Variants in ZDHHC24 observed in about 807,000 individuals in gnomAD.
The protein encoded by ZDHHC24 is probable palmitoyltransferase ZDHHC24.
ZDHHC24 carries 17 observed loss-of-function variants against 23.2 expected under a neutral mutation model. The observed-to-expected ratio is 0.73, with a 90% CI of 0.50 to 1.10. The LOEUF is 1.10. Ranked by LOEUF, ZDHHC24 falls within the 50% of genes least tolerant of loss-of-function variation. The probability of loss-of-function intolerance (pLI) is 0.00; values close to 1 mark genes in which losing one functional copy is unlikely to be tolerated. For synonymous variants in ZDHHC24, 186 were observed against 194.5 expected (o/e 0.96, Z 0.36); for missense variants, 366 against 393.0 (o/e 0.93, Z 0.58).
chr11:66,524,165 A>T, intron 4 of ZDHHC24: 1 of 426,764 alleles, frequency 2.3e-6, no homozygotes, highest in South Asian at 2.0e-5. Context: ...CTGTAATCCC[A>T]GCTACTCAGG....
chr11:66,521,759 G>T (rs1856230367), intron 4 of ZDHHC24: 1 of 309,290 alleles, frequency 3.2e-6, no homozygotes, highest in Admixed American at 4.4e-5. Context: ...TACAAAATTA[G>T]CTGGGCATGG....
At chr11:66,534,029 CGTG>C (rs1856881890), downstream of ZDHHC24, among the ~76,000 whole-genome samples, 1 of 151,782 alleles carries the variant, frequency 6.6e-6, no homozygotes, top group South Asian at 2.1e-4. Flanking sequence ...ATTAGCCAGG[CGTG>C]GTGGCAGACA....
Position 66,529,203 on chromosome 11 carries a change from G to A in ZDHHC24, c.736+109C>T. ...AGGGACAGTGGGGTGGGGGCGGGGT[G>A]GGCCCTGGAGGTGGCTTGGGGAAGA... On this transcript the variant is annotated intron_variant, in intron 3 of 4. Coordinates refer to the ZDHHC24 transcript ENST00000526986. 3 of 1,473,250 alleles carry A rather than the reference G, an allele frequency of 2.0e-6. No individual in the cohort carries two copies. In the African/African-American group the frequency reaches 4.2e-5, roughly 20 times the overall value. The allele number at this position is 1,473,250 out of a possible 1,614,324, so 91.3% of individuals were successfully genotyped here. A position where few individuals can be genotyped will look rare whatever the true frequency, so the allele number is the denominator to read the frequency against.
intron 2 of ZDHHC24, among the ~76,000 whole-genome samples, chr11:66,541,954 T>C (rs1857165189): frequency 1.3e-5 from 2 of 151,514 alleles, no homozygotes; most frequent in Admixed American, 1.3e-4. Context: ...GGAGGGTTTG[T>C]CCAAGGTGGC....
downstream of ZDHHC24, chr11:66,532,529 C>T (rs1389748900): frequency 6.1e-6 from 1 of 162,848 alleles, no homozygotes; most frequent in Non-Finnish European, 1.4e-5. Context: ...GGCTGCAGCC[C>T]ACTCAGCTTG....
chr11:66,526,673 T>C lies in ZDHHC24; in HGVS notation c.*21+263A>G, dbSNP rs767150997. ...GGTGGTGGCCTGATCATCAAGATCCTGAAGCGTACAGCAGTGTTTGTAGAG... is the reference window on the plus strand; with the variant it reads ...GGTGGTGGCCTGATCATCAAGATCCCGAAGCGTACAGCAGTGTTTGTAGAG... On this transcript the variant is annotated intron_variant, in intron 4 of 4. Transcript: ENST00000526986. 3 of 1,614,216 alleles carry C rather than the reference T, an allele frequency of 1.9e-6. No homozygotes were observed. The highest frequency in any genetic ancestry group is 3.3e-5 in the Admixed American group (2 of 60,018).
rs1484317140 is a variant in ZDHHC24, at chr11:66,545,743, G to A, written c.261C>T (p.Arg87=). 1.9e-6 allele frequency: 3 copies of A among 1,582,602 alleles called. No homozygotes were observed. The highest frequency in any genetic ancestry group is 2.3e-5 in the East Asian group (1 of 43,164). The change falls in exon 1 of 3, where the codon CGC becomes CGT. Residue 87 remains arginine, a synonymous_variant. Coordinates refer to ENST00000310442, the MANE Select transcript of ZDHHC24 (RefSeq NM_207340.3). The surrounding 1 kb of genome is among the most constrained non-coding windows in gnomAD (Gnocchi z 4.5). ...CTCACGCCCAGCCCTGGCCCAGACCGCGGCCGGCCAGCATCACGCCACGGA... is the reference window on the plus strand; with the variant it reads ...CTCACGCCCAGCCCTGGCCCAGACCACGGCCGGCCAGCATCACGCCACGGA... ...PSIRGVMLAG[R]GLGQGWAYCY...
In ZDHHC24 at chr11:66,526,822, G is replaced by A; in HGVS notation, c.*21+114C>T. The A allele has an allele frequency of 6.2e-7, 1 of 1,614,214 alleles. No homozygotes were observed. The highest frequency in any genetic ancestry group is 8.5e-7 in the Non-Finnish European group (1 of 1,180,034). ...GGCTGGCACCGGTGAGCCTCAGACTGGGTCCTTTCCCTTCTTCCTCCTCCA... is the reference window on the plus strand; with the variant it reads ...GGCTGGCACCGGTGAGCCTCAGACTAGGTCCTTTCCCTTCTTCCTCCTCCA... On this transcript the variant is annotated intron_variant, in intron 4 of 4. Transcript: ENST00000526986.
intron 2 of ZDHHC24, chr11:66,529,902 C>T: frequency 6.2e-7 from 1 of 1,607,518 alleles, no homozygotes; most frequent in Non-Finnish European, 8.5e-7. Flanking sequence ...CGAGTCCAGC[C>T]TGAGCCCCCT....
intron 2 of ZDHHC24, among the ~76,000 whole-genome samples, 160 bp downstream of exon 2, chr11:66,543,544 T>C (rs546555936): frequency 1.3e-5 from 2 of 152,308 alleles, no homozygotes; most frequent in African/African-American, 2.4e-5. Context: ...GTTTCCATAC[T>C]GCACCCCCGG....
chr11:66,526,538 C>T (rs1205790034), intron 4 of ZDHHC24: 11 of 1,356,214 alleles, frequency 8.1e-6, no homozygotes, highest in African/African-American at 4.3e-5. Context: ...GTCTGGAAGA[C>T]GGATGTGTAC....
downstream of ZDHHC24, chr11:66,531,956 G>T (rs766975911): frequency 8.2e-6 from 13 of 1,592,980 alleles, no homozygotes; most frequent in Non-Finnish European, 1.0e-5. Flanking sequence ...CATAGGTGCT[G>T]GTGCTTCGAG....
rs768043687 is a variant in ZDHHC24 at position 66,543,883 on chromosome 11, A to C, written c.380T>G (p.Leu127Arg). Residue 127 changes from leucine (L) to arginine (R), a missense_variant, in exon 2 of 3, where the codon CTG becomes CGG. Coordinates refer to ENST00000310442, the MANE Select transcript of ZDHHC24 (RefSeq NM_207340.3). ...GTTGCCGAAGCCCACGCAGCGGCCC[A>C]GCAGGCGGCAGTGGTGGTCCCGACG... ...ILRRDHHCRL[L>R]GRCVGFGNYR... 18 of 1,613,866 alleles carry C rather than the reference A, an allele frequency of 1.1e-5. No homozygotes were observed. Among genetic ancestry groups the C allele is most frequent in the Non-Finnish European group, 1.4e-5 (16 of 1,179,926 alleles).
chr11:66,526,774 G>A, intron 4 of ZDHHC24: 1 of 1,614,236 alleles, frequency 6.2e-7, no homozygotes, highest in Non-Finnish European at 8.5e-7. Flanking sequence ...GCTTTACGTG[G>A]ATCAGACACT....
chr11:66,544,042 A>G, intron 1 of ZDHHC24, 61 bp from the exon 2 acceptor site: 1 of 1,580,176 alleles, frequency 6.3e-7, no homozygotes, highest in Non-Finnish European at 8.6e-7. Flanking sequence ...TATTGTGCAC[A>G]GGGCTGCCCC....
rs1157959588 is a variant in ZDHHC24, at chr11:66,543,805, A to G, written c.458T>C (p.Val153Ala). ...CAGTGCAGGGCCCAGCAGCACAGAG[A>G]CGTGGAGCAGGACGCCGGCGGCATG... The part of the protein sequence containing the change: ...LLHAAGVLLH[V>A]SVLLGPALSA... Residue 153 changes from valine (V) to alanine (A), a missense_variant, in exon 2 of 3, where the codon GTC becomes GCC. Transcript: ENST00000310442. 1 of 1,613,360 alleles carries G rather than the reference A, an allele frequency of 6.2e-7. No homozygotes were observed. Among genetic ancestry groups the G allele is most frequent in the South Asian group, 1.1e-5 (1 of 91,038 alleles).
chr11:66,539,951 G>T, intron 2 of ZDHHC24, 127 bp from the exon 3 acceptor site: 1 of 954,648 alleles, frequency 1.0e-6, no homozygotes, highest in Non-Finnish European at 1.5e-6. Context: ...ATACTCGCTG[G>T]CCAGCCCGTG....
At chr11:66,523,418 T>A (rs764886049) in intron 4 of ZDHHC24, 1 of 1,614,034 alleles carries the variant, frequency 6.2e-7, no homozygotes. Context: ...GTGGAGAGGA[T>A]TTCTCTGGGG....
downstream of ZDHHC24, chr11:66,531,885 G>T: frequency 6.3e-7 from 1 of 1,580,556 alleles, no homozygotes; most frequent in Admixed American, 1.9e-5. Flanking sequence ...TGTCATTAGG[G>T]CCAGCGCAGA....
Sources: allele counts gnomAD v4.1 joint callset (sites outside exome capture counted in the v4.1 genomes callset), GRCh38; gene constraint gnomAD v4.1.1; non-coding constraint Gnocchi (gnomAD v3.1); transcripts MANE v1.5; gene names NCBI Gene and HGNC (gene_info 2026-07-23, HGNC 2026-07-21).